The following SYAP1 variants were observed in gnomAD, a reference collection of about 807,000 sequenced individuals.
SYAP1 encodes the protein synapse-associated protein 1.
In SYAP1, 3 loss-of-function variants were observed where a neutral mutation model predicts 29.6. The ratio of observed to expected loss-of-function variants is 0.10; its 90% confidence interval spans 0.05 to 0.26. The LOEUF (loss-of-function observed/expected upper bound fraction) is 0.26, where lower values mean the gene tolerates loss of function less well. SYAP1 is among the 10% of genes least tolerant of loss of function. SYAP1 has a pLI of 1.00. For missense variants in SYAP1, 217 were observed against 264.1 expected, an observed-to-expected ratio of 0.82 and a Z score of 1.24; for synonymous variants, 102 against 102.7, an observed-to-expected ratio of 0.99 and a Z score of 0.04.
intron 5 of SYAP1, among the ~76,000 whole-genome samples, chrX:16,750,245 T>G (rs1000291529): frequency 8.9e-6 from 1 of 111,996 alleles, no homozygotes; most frequent in East Asian, 2.8e-4. Flanking sequence ...ATGAGCTCTT[T>G]TAGCAGTGGT....
intron 3 of SYAP1, among the ~76,000 whole-genome samples, chrX:16,738,237 A>C (rs1324221339): frequency 9.0e-6 from 1 of 111,549 alleles, no homozygotes; most frequent in Non-Finnish European, 1.9e-5. Context: ...CAACATGGCG[A>C]AACCCCATCT....
intron 5 of SYAP1, 74 bp downstream of exon 5, chrX:16,743,914 G>A (rs1926536554): frequency 1.9e-6 from 2 of 1,073,603 alleles, no homozygotes; most frequent in Non-Finnish European, 2.5e-6. Flanking sequence ...ATGATGGAAG[G>A]GGCCAAAAGG....
rs1602340100 is a variant in SYAP1 at position 16,761,843 on chromosome X, T to A, written c.*1484T>A. On this transcript the variant is annotated 3_prime_UTR_variant, in exon 9 of 9. Coordinates refer to ENST00000380155, the MANE Select transcript of SYAP1 (RefSeq NM_032796.4). ...TTTCTTTATAAGAAAAATATACATA[T>A]TTGTGTTCTTGGCCCCATTAAAACT... is the stretch of plus-strand genomic sequence containing the variant. 1 of 112,279 alleles carries A rather than the reference T, an allele frequency of 8.9e-6. No individual in the cohort carries two copies. Among genetic ancestry groups the A allele is most frequent in the Admixed American group, 9.6e-5 (1 of 10,465 alleles). The allele number at this position is 112,279 out of a possible 1,213,427, so 9.3% of individuals were successfully genotyped here. A position where few individuals can be genotyped will look rare whatever the true frequency, so the allele number is the denominator to read the frequency against.
At chrX:16,737,732 T>C (rs1926361293) in intron 3 of SYAP1, among the ~76,000 whole-genome samples, 1 of 111,486 alleles carries the variant, frequency 9.0e-6, no homozygotes, top group African/African-American at 3.3e-5. Context: ...CTGGGGAAAA[T>C]TTCCTTCTTT....
intron 3 of SYAP1, among the ~76,000 whole-genome samples, chrX:16,740,190 C>G (rs912720657): frequency 1.8e-5 from 2 of 111,179 alleles, no homozygotes; most frequent in Admixed American, 9.7e-5. Context: ...TCACCTGGCA[C>G]GGCACTTACA....
chrX:16,741,407 G>A (rs12557429), intron 3 of SYAP1, among the ~76,000 whole-genome samples: 1 of 110,415 alleles, frequency 9.1e-6, no homozygotes, highest in Admixed American at 9.8e-5. Context: ...TGTGGCCCAA[G>A]CTGGTCTGCA....
chrX:16,740,406 A>G (rs1172090865), intron 3 of SYAP1, among the ~76,000 whole-genome samples: 2 of 105,210 alleles, frequency 1.9e-5, no homozygotes, highest in African/African-American at 3.5e-5. Context: ...GTCTTACAAC[A>G]TCACCTTTTA....
At chrX:16,747,891 T>C (rs1926642639) in intron 5 of SYAP1, among the ~76,000 whole-genome samples, 1 of 111,580 alleles carries the variant, frequency 9.0e-6, no homozygotes, top group Admixed American at 9.6e-5. Context: ...GAGACCAGCC[T>C]GGCCAACCTG....
chrX:16,722,529 CAAAA>C (rs753851782), intron 1 of SYAP1, among the ~76,000 whole-genome samples: 1 of 65,932 alleles, frequency 1.5e-5, no homozygotes. Flanking sequence ...CTGCATCTCA[CAAAA>C]AAAAAAAAAA....
In SYAP1 at chrX:16,751,806, G is replaced by A. The variant is rs754885235; in HGVS notation, c.576-3139G>A. 1.4e-4 allele frequency among the ~76,000 whole-genome samples: 15 copies of A among 104,519 alleles called. No individual in the cohort carries two copies. The East Asian group carries it at 3.9e-3, about 27-fold the overall frequency. The allele number at this position is 104,519 out of a possible 115,157, so 90.8% of individuals were successfully genotyped here. A position where few individuals can be genotyped will look rare whatever the true frequency, so the allele number is the denominator to read the frequency against. On this transcript the variant is annotated intron_variant, in intron 5 of 8. Transcript: ENST00000380155. ...CAATTCTCCTGCCTCAGCCTCCTGC[G>A]TAGCCGGGACTACAAGCATGCACTA...
rs892777135 is a variant in SYAP1 at position 16,763,620 on chromosome X, G to A, written c.*3261G>A. On this transcript the variant is annotated 3_prime_UTR_variant, in exon 9 of 9. Coordinates refer to ENST00000380155, the MANE Select transcript of SYAP1 (RefSeq NM_032796.4). ...TCCGCACGCCTTGACCTCCCAAAGT[G>A]TTGGGATTACAGGCATGAGCCACAG... is the stretch of plus-strand genomic sequence containing the variant. The A allele has an allele frequency of 1.8e-5, 2 of 110,458 alleles. No individual in the cohort carries two copies. The highest frequency in any genetic ancestry group is 2.0e-4 in the Admixed American group (2 of 10,210). 9.1% of individuals were successfully genotyped at this position (110,458 alleles called of 1,213,427 possible). A position where few individuals can be genotyped will look rare whatever the true frequency, so the allele number is the denominator to read the frequency against.
chrX:16,743,461 C>G (rs1926519720), intron 4 of SYAP1, among the ~76,000 whole-genome samples: 1 of 109,484 alleles, frequency 9.1e-6, no homozygotes, highest in African/African-American at 3.3e-5. Flanking sequence ...TAGTGAAACC[C>G]CATCTCTACT....
At chrX:16,726,426 A>T (rs1490941372) in intron 1 of SYAP1, among the ~76,000 whole-genome samples, 2 of 109,792 alleles carry the variant, frequency 1.8e-5, no homozygotes, top group Non-Finnish European at 3.8e-5. Context: ...GTCTCTTCAG[A>T]CCCCCCAGTA....
chrX:16,751,235 G>A (rs936220838), intron 5 of SYAP1, among the ~76,000 whole-genome samples: 3 of 107,920 alleles, frequency 2.8e-5, no homozygotes, highest in African/African-American at 1.0e-4. Context: ...GGCAGATCAC[G>A]AGGTCAGGAG....
chrX:16,740,393 C>G (rs1926433837), intron 3 of SYAP1, among the ~76,000 whole-genome samples: 1 of 106,516 alleles, frequency 9.4e-6, no homozygotes, highest in African/African-American at 3.4e-5. Flanking sequence ...TTCCTAATCA[C>G]CTGTCTTACA....
rs1487512536 is a variant in SYAP1, at chrX:16,761,743, C to G, written c.*1384C>G. 8.9e-6 allele frequency: 1 copy of G among 112,017 alleles called. No individual in the cohort carries two copies. The highest frequency in any genetic ancestry group is 1.9e-5 in the Non-Finnish European group (1 of 53,227). The allele number at this position is 112,017 out of a possible 1,213,427, so 9.2% of individuals were successfully genotyped here. ...AGGTGGTTTAATGTCAGAAAACTTC[C>G]TAAGCATTTGCTCCCCAAACCTTTC... On this transcript the variant is annotated 3_prime_UTR_variant, in exon 9 of 9. Transcript: ENST00000380155.
chrX:16,742,315 C>T (rs949283685), intron 4 of SYAP1, among the ~76,000 whole-genome samples: 1 of 109,795 alleles, frequency 9.1e-6, no homozygotes, highest in Admixed American at 9.9e-5. Context: ...CCACGCCCTG[C>T]TAATTTTTGT....
chrX:16,735,454 T>TACTTA, intron 2 of SYAP1, 109 bp downstream of exon 2: 2 of 507,502 alleles, frequency 3.9e-6, no homozygotes, highest in Non-Finnish European at 6.3e-6. Context: ...TATCATATTC[T>TACTTA]GATAAAAATG....
At chrX:16,724,959 G>A (rs1410490586) in intron 1 of SYAP1, among the ~76,000 whole-genome samples, 2 of 111,753 alleles carry the variant, frequency 1.8e-5, no homozygotes, top group Non-Finnish European at 3.8e-5. Flanking sequence ...CAAAATTGGG[G>A]TGGTTTTAAC....
Sources: gnomAD v4.1 joint callset for allele counts (sites outside exome capture counted in the v4.1 genomes callset) on GRCh38, gnomAD v4.1.1 for gene constraint, MANE v1.5 for transcripts, NCBI Gene and HGNC (gene_info 2026-07-23, HGNC 2026-07-21) for gene names.